N4BP2: variants seen among roughly 807,000 people sequenced by gnomAD.
N4BP2 encodes NEDD4 binding protein 2.
A neutral mutation model predicts 152.8 loss-of-function variants in N4BP2; 91 were observed. The ratio of observed to expected loss-of-function variants is 0.60; its 90% CI spans 0.50 to 0.71. The LOEUF (loss-of-function observed/expected upper bound fraction) is 0.71, where lower values mean the gene tolerates loss of function less well. N4BP2 is among the 30% of genes least tolerant of loss of function. The pLI is 0.00. For missense variants in N4BP2, 1,923 were observed against 2,059.1 expected (o/e 0.93, Z 1.28); for synonymous variants, 646 against 705.3 (o/e 0.92, Z 1.33).
At chr4:40,180,439 T>C in the N4BP2 span, among the ~76,000 whole-genome samples, 1 of 152,182 alleles carries the variant, frequency 6.6e-6, no homozygotes, top group South Asian at 2.1e-4. Context: ...GGCAGATAGT[T>C]AGTCACTCTC....
chr4:40,122,347 G>A, intron 9 of N4BP2, 38 bp downstream of exon 9: 1 of 1,346,608 alleles, frequency 7.4e-7, no homozygotes, highest in Non-Finnish European at 1.0e-6. Context: ...GTGTCTTTGT[G>A]TGACTAGACT....
chr4:40,107,401 T>C (rs1011048591), intron 5 of N4BP2, among the ~76,000 whole-genome samples: 7 of 151,956 alleles, frequency 4.6e-5, no homozygotes, highest in African/African-American at 9.7e-5. Flanking sequence ...TTTTTTTTTT[T>C]CGAGATGGAG....
At chr4:40,144,607 C>G in intron 15 of N4BP2, 25 bp from the exon 16 acceptor site, 1 of 1,567,518 alleles carries the variant, frequency 6.4e-7, no homozygotes, top group Non-Finnish European at 8.7e-7. Flanking sequence ...CAAAACTGTC[C>G]CTTGGTGATA....
Position 40,122,168 on chromosome 4 carries a change from A to G in N4BP2, c.4057A>G (p.Ser1353Gly), listed in dbSNP as rs1210707891. The G allele has an allele frequency of 1.2e-6, 2 of 1,613,672 alleles. No homozygotes were observed. Among genetic ancestry groups the G allele is most frequent in the East Asian group, 2.2e-5 (1 of 44,892 alleles). Residue 1353 changes from serine to glycine, a missense_variant, in exon 9 of 18, where the codon AGT becomes GGT. Coordinates refer to ENST00000261435, the MANE Select transcript of N4BP2 (RefSeq NM_018177.6). ...AGGAAGTAGTTTATCAGCTGGAGTT[A>G]GTGGGGAAGATAAAACCGAGATATT... Reference protein sequence around the residue: ...MAGSSLSAGVSGEDKTEILNP... With the variant: ...MAGSSLSAGVGGEDKTEILNP...
At chr4:40,089,219 G>C (rs1714296336) in intron 2 of N4BP2, among the ~76,000 whole-genome samples, 1 of 151,974 alleles carries the variant, frequency 6.6e-6, no homozygotes, top group Non-Finnish European at 1.5e-5. Context: ...GCCCCTGTTG[G>C]GCTCCCAAAG....
At chr4:40,179,548 T>G in the N4BP2 span, among the ~76,000 whole-genome samples, 1 of 152,160 alleles carries the variant, frequency 6.6e-6, no homozygotes. Context: ...GAGGCTATTA[T>G]TATCCCCATT....
rs1718408112 is a variant in N4BP2, at chr4:40,126,341, A to G, written c.4527+11A>G. The G allele has an allele frequency of 1.5e-6, 2 of 1,330,574 alleles. No homozygotes were observed. Among genetic ancestry groups the G allele is most frequent in the Non-Finnish European group, 2.1e-6 (2 of 964,336 alleles). The allele number at this position is 1,330,574 out of a possible 1,614,324, so 82.4% of individuals were successfully genotyped here. On this transcript the variant is annotated intron_variant, in intron 12 of 17. Transcript: ENST00000261435. ...GAAAAACATAATTTGGTATGAATTAATATAAATATTAAGCTACTGTCTCTG... is the reference window on the plus strand; with the variant it reads ...GAAAAACATAATTTGGTATGAATTAGTATAAATATTAAGCTACTGTCTCTG...
rs141423439 is a variant in N4BP2 at position 40,125,440 on chromosome 4, A to G, written c.4331-694A>G. Among the ~76,000 whole-genome samples the G allele has an allele frequency of 3.4e-3, 521 of 152,226 alleles. 5 individuals carry two copies. The highest frequency in any genetic ancestry group is 0.012 in the African/African-American group (495 of 41,528). On this transcript the variant is annotated intron_variant, in intron 11 of 17. Transcript: ENST00000261435. ...AGTAATCGATCTTCTTGGTCCTTAGAATGGGTGGCCAGAGCAGACTGTAGC... is the reference window on the plus strand; with the variant it reads ...AGTAATCGATCTTCTTGGTCCTTAGGATGGGTGGCCAGAGCAGACTGTAGC...
chr4:40,085,682 G>A (rs779882526), intron 2 of N4BP2, among the ~76,000 whole-genome samples: 2 of 152,054 alleles, frequency 1.3e-5, no homozygotes, highest in African/African-American at 4.8e-5. Flanking sequence ...CTGAGCTCTG[G>A]AACGCTGTAT....
chr4:40,135,711 C>G (rs11097016), intron 13 of N4BP2, among the ~76,000 whole-genome samples: 1 of 151,944 alleles, frequency 6.6e-6, no homozygotes, highest in African/African-American at 2.4e-5. Flanking sequence ...TACAGGCGCC[C>G]GCCACCATGC....
At chr4:40,099,771 A>G (rs1560590673) in intron 3 of N4BP2, among the ~76,000 whole-genome samples, 3 of 151,814 alleles carry the variant, frequency 2.0e-5, no homozygotes, top group Non-Finnish European at 1.5e-5. Flanking sequence ...ATCCATTTTG[A>G]TCTTTAATTT....
chr4:40,100,231 G>A (rs1414780502), intron 3 of N4BP2: 1 of 358,994 alleles, frequency 2.8e-6, no homozygotes, highest in Admixed American at 3.0e-5. Context: ...AAATGTTGGT[G>A]TTCTGACTCC....
chr4:40,168,972 C>A, the N4BP2 span, among the ~76,000 whole-genome samples: 1 of 152,048 alleles, frequency 6.6e-6, no homozygotes, highest in African/African-American at 2.4e-5. Context: ...GTGATCCGCC[C>A]ACCTCTGCCT....
At chr4:40,060,996 A>T (rs1185483996) in intron 1 of N4BP2, among the ~76,000 whole-genome samples, 1 of 151,708 alleles carries the variant, frequency 6.6e-6, no homozygotes, top group Non-Finnish European at 1.5e-5. Flanking sequence ...TAAAATTTAA[A>T]TTGAGACGGG....
the N4BP2 span, among the ~76,000 whole-genome samples, chr4:40,181,684 C>T: frequency 1.3e-5 from 2 of 152,198 alleles, no homozygotes; most frequent in African/African-American, 2.4e-5. Context: ...CGGTGGCTCA[C>T]GCCTGTTAGT....
Position 40,123,134 on chromosome 4 carries a change from A to G in N4BP2, c.4206A>G (p.Leu1402=), listed in dbSNP as rs1718088598. ...TCCCCCTTCCCCCACAAGGGTCTCTAACAGTTGAAGATTGTGTGGTTCATA... is the reference window on the plus strand; with the variant it reads ...TCCCCCTTCCCCCACAAGGGTCTCTGACAGTTGAAGATTGTGTGGTTCATA... ...FGPVGIDSGS[L]TVEDCVVHID... is the part of the protein sequence containing the mutation. The change falls in exon 10 of 18, where the codon CTA becomes CTG. Residue 1402 remains leucine, a synonymous_variant. Coordinates refer to ENST00000261435, the MANE Select transcript of N4BP2 (RefSeq NM_018177.6). 13 of 1,603,738 alleles carry G rather than the reference A, an allele frequency of 8.1e-6. No individual in the cohort carries two copies. Among genetic ancestry groups the G allele is most frequent in the Non-Finnish European group, 1.1e-5 (13 of 1,173,006 alleles).
intron 2 of N4BP2, among the ~76,000 whole-genome samples, chr4:40,079,204 A>G (rs979400116): frequency 2.0e-5 from 3 of 151,966 alleles, no homozygotes; most frequent in Non-Finnish European, 2.9e-5. Context: ...TTATAGGCAT[A>G]AGCCACTGTG....
chr4:40,135,709 C>A (rs1719322653), intron 13 of N4BP2, among the ~76,000 whole-genome samples: 1 of 152,040 alleles, frequency 6.6e-6, no homozygotes, highest in Admixed American at 6.6e-5. Flanking sequence ...ATTACAGGCG[C>A]CCGCCACCAT....
At chr4:40,125,529 G>A (rs926566673) in intron 11 of N4BP2, among the ~76,000 whole-genome samples, 1 of 152,160 alleles carries the variant, frequency 6.6e-6, no homozygotes, top group African/African-American at 2.4e-5. Flanking sequence ...CTGTATACAT[G>A]TCACTATGTT....
Sources: gnomAD v4.1 joint callset for allele counts (sites outside exome capture counted in the v4.1 genomes callset) on GRCh38, gnomAD v4.1.1 for gene constraint, MANE v1.5 for transcripts, NCBI Gene and HGNC (gene_info 2026-07-23, HGNC 2026-07-21) for gene names.